The following HNF4A variants were observed in gnomAD, a reference collection of about 807,000 sequenced individuals.
HNF4A encodes the protein hepatocyte nuclear factor 4 alpha.
HNF4A carries 15 observed loss-of-function variants against 52.4 expected under a neutral mutation model. The ratio of observed to expected loss-of-function variants is 0.29; its 90% CI spans 0.19 to 0.44. The LOEUF (loss-of-function observed/expected upper bound fraction) is 0.44. Among genes scored for constraint, HNF4A ranks in the 20% least tolerant of loss-of-function variants. The pLI is 1.00. For missense variants in HNF4A, 479 were observed against 647.2 expected (o/e 0.74, Z 2.82); for synonymous variants, 280 against 264.4 (o/e 1.06, Z -0.57).
intron 1 of HNF4A, chr20:44,402,556 T>C (rs945013532): frequency 5.1e-6 from 7 of 1,364,950 alleles, no homozygotes; most frequent in East Asian, 9.1e-5. Context: ...CTGAGCAGAT[T>C]TTGTTGCCGC....
At chr20:44,395,175 T>G (rs1316340206) in intron 1 of HNF4A, among the ~76,000 whole-genome samples, 1 of 152,212 alleles carries the variant, frequency 6.6e-6, no homozygotes, top group Non-Finnish European at 1.5e-5. Flanking sequence ...CCACCACCGC[T>G]GCGTGGACTT....
intron 1 of HNF4A, among the ~76,000 whole-genome samples, chr20:44,392,531 A>G (rs1001674251): frequency 3.3e-5 from 5 of 152,220 alleles, no homozygotes; most frequent in African/African-American, 1.2e-4. Flanking sequence ...AAAAATAGAC[A>G]TAGGGTCTCA....
chr20:44,391,737 C>G (rs1484118650), intron 1 of HNF4A, among the ~76,000 whole-genome samples: 1 of 152,184 alleles, frequency 6.6e-6, no homozygotes, highest in African/African-American at 2.4e-5. Flanking sequence ...AGATACAGAA[C>G]AGTGTAAGAG....
intron 1 of HNF4A, 92 bp downstream of exon 1, chr20:44,355,945 C>A: frequency 9.0e-7 from 1 of 1,110,828 alleles, no homozygotes; most frequent in Non-Finnish European, 1.3e-6. Flanking sequence ...CTTACGGGCC[C>A]AAAGCTCCTC....
chr20:44,421,990 T>C (rs2063752970), intron 7 of HNF4A, among the ~76,000 whole-genome samples: 1 of 151,720 alleles, frequency 6.6e-6, no homozygotes. Context: ...ATGTGGATTG[T>C]CTTACTTACC....
At chr20:44,424,707 A>G in intron 8 of HNF4A, 1 of 804,012 alleles carries the variant, frequency 1.2e-6, no homozygotes, top group Middle Eastern at 4.9e-4. Context: ...TGAAGTGGTG[A>G]CTCTTGTGCT....
At chr20:44,382,032 C>T (rs1431089807) in intron 1 of HNF4A, among the ~76,000 whole-genome samples, 1 of 152,184 alleles carries the variant, frequency 6.6e-6, no homozygotes, top group African/African-American at 2.4e-5. Flanking sequence ...TCATTGATTC[C>T]TATTTTATAG....
At position 44,431,383 on chromosome 20, in the gene HNF4A, A is replaced by C. The variant is rs1418681614; in HGVS notation, c.*1718A>C. 3 of 152,292 alleles carry C rather than the reference A, an allele frequency of 2.0e-5. No homozygotes were observed. The highest frequency in any genetic ancestry group is 6.6e-5 in the Admixed American group (1 of 15,262). 9.4% of individuals were successfully genotyped at this position (152,292 alleles called of 1,614,324 possible). ...TCCTGTTTGCTGATAAATATTAAGG[A>C]GAATTCATGACTCTTGACAGCTTTT... On this transcript the variant is annotated 3_prime_UTR_variant, in exon 10 of 10. Coordinates refer to ENST00000316099, the MANE Select transcript of HNF4A (RefSeq NM_000457.6).
intron 3 of HNF4A, among the ~76,000 whole-genome samples, chr20:44,408,786 T>G (rs542718939): frequency 3.3e-4 from 50 of 152,190 alleles, no homozygotes; most frequent in African/African-American, 1.2e-3. Context: ...TCCTCTAAAC[T>G]CAACCTTTCC....
intron 1 of HNF4A, chr20:44,377,873 C>G (rs2146233099): frequency 6.6e-6 from 1 of 152,212 alleles, no homozygotes; most frequent in Non-Finnish European, 1.5e-5. Flanking sequence ...GCTCCAAAGA[C>G]TATTCTTATA....
chr20:44,387,276 GA>G (rs1285647703), intron 1 of HNF4A, among the ~76,000 whole-genome samples: 4 of 121,522 alleles, frequency 3.3e-5, no homozygotes, highest in African/African-American at 1.3e-4. Context: ...TGACAAGAGC[GA>G]AACTTCATCT....
chr20:44,360,796 G>A (rs749272006), intron 1 of HNF4A, among the ~76,000 whole-genome samples: 11 of 152,142 alleles, frequency 7.2e-5, no homozygotes, highest in Non-Finnish European at 1.0e-4. Context: ...GGCCATTGTC[G>A]GAGACAGTTT....
chr20:44,397,366 A>C (rs1226733559), upstream of HNF4A, among the ~76,000 whole-genome samples: 2 of 152,210 alleles, frequency 1.3e-5, no homozygotes, highest in African/African-American at 4.8e-5. Flanking sequence ...TTGATACATA[A>C]TAATTGTACA....
intron 8 of HNF4A, chr20:44,424,507 T>C (rs922854680): frequency 1.9e-6 from 2 of 1,028,118 alleles, no homozygotes; most frequent in Non-Finnish European, 2.9e-6. Context: ...AAGAACAAGA[T>C]CTTTGCCCTC....
At position 44,428,398 on chromosome 20, in the gene HNF4A, T is replaced by G. The variant is rs199956600; in HGVS notation, c.1193T>G (p.Met398Arg). 1 of 1,614,138 alleles carries G rather than the reference T, an allele frequency of 6.2e-7. No homozygotes were observed. Among genetic ancestry groups the G allele is most frequent in the Non-Finnish European group, 8.5e-7 (1 of 1,180,016 alleles). ...CACCCTCACCTGATGCAGGAACATA[T>G]GGGAACCAACGTCATCGTTGCCAAC... Residue 398 changes from methionine to arginine, a missense_variant, in exon 9 of 10, where the codon ATG becomes AGG. Transcript: ENST00000316099.
chr20:44,410,265 C>T (rs776636204), intron 3 of HNF4A, among the ~76,000 whole-genome samples: 3 of 152,212 alleles, frequency 2.0e-5, no homozygotes, highest in African/African-American at 4.8e-5. Flanking sequence ...CCCAGGGAAA[C>T]GGACATGCTG....
chr20:44,382,657 A>C (rs749018167), intron 1 of HNF4A, among the ~76,000 whole-genome samples: 3 of 152,084 alleles, frequency 2.0e-5, no homozygotes, highest in South Asian at 2.1e-4. Context: ...AATGCCAAGG[A>C]CCTCTTAGCT....
intron 1 of HNF4A, among the ~76,000 whole-genome samples, chr20:44,376,697 G>A (rs755061845): frequency 3.9e-5 from 6 of 152,006 alleles, no homozygotes; most frequent in Non-Finnish European, 7.4e-5. Context: ...ATGTGTATTT[G>A]GTATTTATCT....
At chr20:44,429,279 G>A (rs1425038886) in intron 9 of HNF4A, among the ~76,000 whole-genome samples, 2 of 152,198 alleles carry the variant, frequency 1.3e-5, no homozygotes, top group Non-Finnish European at 1.5e-5. Context: ...AATGATGGAG[G>A]AGATGGGTGG....
Sources: allele counts gnomAD v4.1 joint callset (sites outside exome capture counted in the v4.1 genomes callset), GRCh38; gene constraint gnomAD v4.1.1; transcripts MANE v1.5; gene names NCBI Gene and HGNC (gene_info 2026-07-23, HGNC 2026-07-21).